The following GPR149 variants were observed in gnomAD, a reference collection of about 807,000 sequenced individuals.
GPR149 encodes G protein-coupled receptor 149, also known as probable G protein-coupled receptor 149.
A neutral mutation model predicts 50.2 loss-of-function variants in GPR149; 50 were observed. The ratio of observed to expected loss-of-function variants is 1.00; its 90% confidence interval spans 0.79 to 1.26. The LOEUF is 1.26. Among genes scored for constraint, GPR149 ranks in the 50% most tolerant of loss-of-function variants. GPR149 has a pLI of 0.00. For missense variants in GPR149, 983 were observed against 895.4 expected (o/e 1.10, Z -1.25); for synonymous variants, 405 against 358.2 (o/e 1.13, Z -1.48).
At position 154,335,755 on chromosome 3, in the gene GPR149, T is replaced by G. The variant is rs186915673; in HGVS notation, c.*1944A>C. On this transcript the variant is annotated 3_prime_UTR_variant, in exon 4 of 4. Coordinates refer to ENST00000389740, the MANE Select transcript of GPR149 (RefSeq NM_001038705.3). The stretch of plus-strand genomic sequence containing the variant: ...GTTATAATCTCCATCCCATTCAAAT[T>G]GCTGTGCAGTTATAAAGAATTTGTT... 2 of 152,226 alleles carry G rather than the reference T, an allele frequency of 1.3e-5. No individual in the cohort carries two copies. The highest frequency in any genetic ancestry group is 4.8e-5 in the African/African-American group (2 of 41,522). 9.4% of individuals were successfully genotyped at this position (152,226 alleles called of 1,614,324 possible). A position where few individuals can be genotyped will look rare whatever the true frequency, so the allele number is the denominator to read the frequency against.
At chr3:154,378,560 G>T (rs1290860366) in intron 3 of GPR149, among the ~76,000 whole-genome samples, 1 of 152,106 alleles carries the variant, frequency 6.6e-6, no homozygotes, top group Non-Finnish European at 1.5e-5. Context: ...TTCCTGGCTT[G>T]TGTTATAAGT....
chr3:154,355,420 C>A (rs1714196409), intron 3 of GPR149, among the ~76,000 whole-genome samples: 2 of 152,180 alleles, frequency 1.3e-5, no homozygotes, highest in South Asian at 4.1e-4. Flanking sequence ...TCACAGACTG[C>A]AATAAATCCT....
At chr3:154,364,008 G>A (rs1229013694) in intron 3 of GPR149, among the ~76,000 whole-genome samples, 3 of 152,232 alleles carry the variant, frequency 2.0e-5, no homozygotes, top group African/African-American at 4.8e-5. Context: ...GCTGAGCTGT[G>A]GGCAGCAGGA....
chr3:154,357,274 A>T (rs961728318), intron 3 of GPR149, among the ~76,000 whole-genome samples: 2 of 152,164 alleles, frequency 1.3e-5, no homozygotes, highest in African/African-American at 4.8e-5. Context: ...AGGCATGGGC[A>T]AGGACTTCAT....
chr3:154,425,417 C>A (rs1389467820), intron 2 of GPR149, among the ~76,000 whole-genome samples: 2 of 152,012 alleles, frequency 1.3e-5, no homozygotes, highest in African/African-American at 4.8e-5. Context: ...AACCACCTGG[C>A]CCACCTAAGC....
intron 3 of GPR149, among the ~76,000 whole-genome samples, chr3:154,357,850 T>C (rs138450477): frequency 5.8e-4 from 88 of 152,310 alleles, no homozygotes; most frequent in African/African-American, 2.0e-3. Context: ...CGTATGTTTA[T>C]TGCGGCACTT....
In GPR149 at chr3:154,353,006, C is replaced by T. The variant is rs529846775; in HGVS notation, c.1624-14735G>A. ...AACTATGGGCAGCCACATTGGTTGC[C>T]ACCAAAACTTTAAAACTATCTTCTC... On this transcript the variant is annotated intron_variant, in intron 3 of 3. Coordinates refer to ENST00000389740, the MANE Select transcript of GPR149 (RefSeq NM_001038705.3). 1.6e-5 allele frequency: 20 copies of T among 1,271,726 alleles called. 1 individual carries two copies. The South Asian group carries it at 2.4e-4, about 15-fold the overall frequency. The allele number at this position is 1,271,726 out of a possible 1,614,324, so 78.8% of individuals were successfully genotyped here. A position where few individuals can be genotyped will look rare whatever the true frequency, so the allele number is the denominator to read the frequency against.
chr3:154,376,246 T>A (rs1398051631), intron 3 of GPR149, among the ~76,000 whole-genome samples: 6 of 152,252 alleles, frequency 3.9e-5, no homozygotes, highest in Admixed American at 3.9e-4. Context: ...AATCTTTAGT[T>A]GCTGGAAGCA....
intron 3 of GPR149, among the ~76,000 whole-genome samples, chr3:154,363,636 CA>C (rs1714465693): frequency 6.6e-6 from 1 of 152,110 alleles, no homozygotes; most frequent in Non-Finnish European, 1.5e-5. Flanking sequence ...AAGCCAAGGG[CA>C]GTCTAAAACC....
At chr3:154,372,616 T>G (rs1336490381) in intron 3 of GPR149, among the ~76,000 whole-genome samples, 3 of 152,170 alleles carry the variant, frequency 2.0e-5, no homozygotes, top group Non-Finnish European at 4.4e-5. Context: ...GGGACACCAT[T>G]ATTTTCAAAC....
intron 2 of GPR149, among the ~76,000 whole-genome samples, chr3:154,423,307 G>C (rs976506652): frequency 1.3e-5 from 2 of 151,804 alleles, no homozygotes; most frequent in African/African-American, 4.8e-5. Flanking sequence ...GAAAACGGGG[G>C]GTGACAGACG....
chr3:154,422,011 C>T (rs58713332), intron 2 of GPR149, among the ~76,000 whole-genome samples: 5,034 of 151,460 alleles, frequency 0.033, 279 homozygotes, highest in African/African-American at 0.11. Context: ...TCTATAAGTG[C>T]ATACATTAAA....
At chr3:154,409,835 A>C (rs1229807317) in intron 3 of GPR149, among the ~76,000 whole-genome samples, 1 of 152,208 alleles carries the variant, frequency 6.6e-6, no homozygotes, top group African/African-American at 2.4e-5. Flanking sequence ...AAACCTCCCC[A>C]GTCTTGCTAG....
At chr3:154,360,466 T>C (rs1388608187) in intron 3 of GPR149, among the ~76,000 whole-genome samples, 2 of 152,214 alleles carry the variant, frequency 1.3e-5, no homozygotes, top group Non-Finnish European at 2.9e-5. Flanking sequence ...ATGTCCTTGA[T>C]GAAGGTGTGT....
At chr3:154,357,446 T>G (rs888669176) in intron 3 of GPR149, among the ~76,000 whole-genome samples, 1 of 152,084 alleles carries the variant, frequency 6.6e-6, no homozygotes, top group African/African-American at 2.4e-5. Flanking sequence ...GACAAAGGGC[T>G]AATATCCAGA....
intron 3 of GPR149, among the ~76,000 whole-genome samples, chr3:154,415,867 A>G (rs1711971529): frequency 6.6e-6 from 1 of 151,920 alleles, no homozygotes; most frequent in South Asian, 2.1e-4. Flanking sequence ...CTAGTAATAA[A>G]CTAAGCACTT....
chr3:154,368,349 C>G (rs701131), intron 3 of GPR149, among the ~76,000 whole-genome samples: 137,996 of 152,302 alleles, frequency 0.91, 62,754 homozygotes, highest in East Asian at 1. Flanking sequence ...GAGGATCCCT[C>G]TTCATGGTAC....
At chr3:154,391,622 A>C (rs903065905) in intron 3 of GPR149, among the ~76,000 whole-genome samples, 2 of 151,796 alleles carry the variant, frequency 1.3e-5, no homozygotes, top group African/African-American at 4.8e-5. Flanking sequence ...TCTAAATATA[A>C]AGGGATTAAA....
chr3:154,379,873 T>C (rs1244360980), intron 3 of GPR149, among the ~76,000 whole-genome samples: 1 of 152,138 alleles, frequency 6.6e-6, no homozygotes, highest in Non-Finnish European at 1.5e-5. Flanking sequence ...TAGTGTAAGT[T>C]CTGTGTATTT....
Sources: allele counts gnomAD v4.1 joint callset (sites outside exome capture counted in the v4.1 genomes callset), GRCh38; gene constraint gnomAD v4.1.1; transcripts MANE v1.5; gene names NCBI Gene and HGNC (gene_info 2026-07-23, HGNC 2026-07-21).